The following BIRC6 variants were observed in gnomAD, a reference collection of about 807,000 sequenced individuals.
BIRC6 encodes dual E2 ubiquitin-conjugating enzyme/E3 ubiquitin-protein ligase BIRC6.
BIRC6 carries 98 observed loss-of-function variants against 503.3 expected under a neutral mutation model. That is an observed-to-expected ratio of 0.19 (90% CI 0.17 to 0.23). The LOEUF (loss-of-function observed/expected upper bound fraction) is 0.23. Among genes scored for constraint, BIRC6 ranks in the 10% least tolerant of loss-of-function variants. The pLI, the probability that BIRC6 is intolerant of heterozygous loss-of-function variation, is 1.00. For missense variants in BIRC6, 5,360 were observed against 5,806.0 expected (o/e 0.92, Z 2.50); for synonymous variants, 2,240 against 2,078.7 (o/e 1.08, Z -2.11).
At chr2:32,478,401 C>T (rs1483165095) in intron 35 of BIRC6, among the ~76,000 whole-genome samples, 6 of 151,964 alleles carry the variant, frequency 3.9e-5, no homozygotes, top group Non-Finnish European at 5.9e-5. Context: ...ATTCACTGTT[C>T]GTAGAAATTT....
intron 22 of BIRC6, among the ~76,000 whole-genome samples, chr2:32,450,791 A>G (rs2046627143): frequency 6.6e-6 from 1 of 152,202 alleles, no homozygotes. Context: ...ACTTACACAC[A>G]TCCTGCTGTG....
chr2:32,560,162 T>C (rs1309604807), intron 65 of BIRC6, among the ~76,000 whole-genome samples: 1 of 152,054 alleles, frequency 6.6e-6, no homozygotes, highest in Non-Finnish European at 1.5e-5. Flanking sequence ...TCAAGAAAAA[T>C]ACAGAAATAC....
At chr2:32,572,740 A>G (rs930723733) in intron 65 of BIRC6, among the ~76,000 whole-genome samples, 1 of 152,212 alleles carries the variant, frequency 6.6e-6, no homozygotes. Flanking sequence ...ATGTGGAAAC[A>G]AGGGGAAACA....
At position 32,435,706 on chromosome 2, in the gene BIRC6, A is replaced by G. The variant is rs374362944; in HGVS notation, c.3499+121A>G. 23 of 1,038,832 alleles carry G rather than the reference A, an allele frequency of 2.2e-5. No individual in the cohort carries two copies. In the African/African-American group the frequency reaches 3.4e-4, roughly 15 times the overall value. 64.4% of individuals were successfully genotyped at this position (1,038,832 alleles called of 1,614,324 possible). On this transcript the variant is annotated intron_variant, in intron 14 of 73. Coordinates refer to ENST00000421745, the MANE Select transcript of BIRC6 (RefSeq NM_016252.4). ...CTTGGTTTCAAGAACACAATTAAAA[A>G]ATAACCTATAATTCTGCTTTGGCAA...
chr2:32,465,230 C>G (rs55958719), intron 26 of BIRC6, 66 bp downstream of exon 26: 6,132 of 590,054 alleles, frequency 0.01, 52 homozygotes, highest in Non-Finnish European at 0.014. Flanking sequence ...CTTTTAAAGA[C>G]TCATTATTCT....
intron 10 of BIRC6, among the ~76,000 whole-genome samples, chr2:32,421,903 A>G (rs1260766113): frequency 3.9e-5 from 6 of 152,176 alleles, no homozygotes; most frequent in African/African-American, 1.4e-4. Context: ...GCCTTCTTCT[A>G]TCAATTTTGA....
Position 32,471,121 on chromosome 2 carries a change from A to C in BIRC6, c.6589A>C (p.Asn2197His). The C allele has an allele frequency of 6.4e-7, 1 of 1,564,228 alleles. No individual in the cohort carries two copies. The highest frequency in any genetic ancestry group is 1.3e-5 in the African/African-American group (1 of 74,120). ...AGCAGCAGCTGCAAAGAAACCTTTG[A>C]ATGGTAAAGACAGGGAGAGGTTTCT... is the stretch of plus-strand genomic sequence containing the variant. ...DEAAAAKKPL[N>H]GNQWSFINNN... Residue 2197 changes from asparagine (N) to histidine (H), a missense_variant, in exon 32 of 74, where the codon AAT becomes CAT. Physicochemically the swap from Asn to His is moderately conservative, Grantham distance 68. This residue lies in a region of BIRC6 where 2,299 missense variants were observed against 2,267.2 expected (regional missense o/e 1.01). Transcript: ENST00000421745.
intron 73 of BIRC6, among the ~76,000 whole-genome samples, chr2:32,613,149 C>A (rs1034427749): frequency 5.3e-5 from 8 of 151,724 alleles, no homozygotes; most frequent in African/African-American, 1.9e-4. Flanking sequence ...ATTCATATTT[C>A]AGCTTAAATT....
chr2:32,469,490 C>T lies in BIRC6; in HGVS notation c.6223C>T (p.Arg2075Trp), dbSNP rs2148971305. Reference sequence around the variant, plus strand: ...GTGCATCAGTGGAACCCCAAAGATACGGTTACATACTGGTCTTCTTCTTGT... The same window carrying T: ...GTGCATCAGTGGAACCCCAAAGATATGGTTACATACTGGTCTTCTTCTTGT... Reference protein sequence around the residue: ...HLCISGTPKIRLHTGLLLVQL... With the variant: ...HLCISGTPKIWLHTGLLLVQL... The change falls in exon 30 of 74, where the codon CGG (arginine) becomes TGG (tryptophan). Residue 2075 changes from arginine (R) to tryptophan (W), a missense_variant. By Grantham distance (101) the Arg-to-Trp change is moderately radical (BLOSUM62 -3). Transcript: ENST00000421745. 1 of 1,613,852 alleles carries T rather than the reference C, an allele frequency of 6.2e-7. No individual in the cohort carries two copies. The highest frequency in any genetic ancestry group is 8.5e-7 in the Non-Finnish European group (1 of 1,179,784).
At chr2:32,395,426 T>G (rs947563814) in intron 5 of BIRC6, 85 bp from the exon 6 acceptor site, 2 of 1,088,160 alleles carry the variant, frequency 1.8e-6, no homozygotes, top group Non-Finnish European at 1.3e-6. Flanking sequence ...TACTTAAAAT[T>G]ATGAACTTTT....
intron 49 of BIRC6, 55 bp from the exon 50 acceptor site, chr2:32,504,950 C>T (rs937977999): frequency 5.2e-5 from 74 of 1,436,134 alleles, no homozygotes; most frequent in Non-Finnish European, 6.8e-5. Flanking sequence ...GATTTTAAAG[C>T]TTTATTATGT....
At position 32,448,853 on chromosome 2, in the gene BIRC6, T is replaced by A; in HGVS notation, c.4543T>A (p.Ser1515Thr). 1 of 1,613,486 alleles carries A rather than the reference T, an allele frequency of 6.2e-7. No individual in the cohort carries two copies. The highest frequency in any genetic ancestry group is 8.5e-7 in the Non-Finnish European group (1 of 1,179,474). ...PVLFDLEMSGSSCKNVYNSSI... is the reference protein window; with the variant it reads ...PVLFDLEMSGTSCKNVYNSSI... ...CCTCTTTGATTTGGAGATGAGTGGC[T>A]CTTCTTGTAAAAATGTTTATAACAG... The change falls in exon 22 of 74, where the codon TCT (serine) becomes ACT (threonine). Residue 1515 changes from serine (S) to threonine (T), a missense_variant. Ser to Thr is a moderately conservative substitution (Grantham distance 58, BLOSUM62 1). Transcript: ENST00000421745.
At position 32,524,958 on chromosome 2, in the gene BIRC6, G is replaced by T; in HGVS notation, c.11694G>T (p.Glu3898Asp). 6.4e-7 allele frequency: 1 copy of T among 1,552,286 alleles called. No homozygotes were observed. The highest frequency in any genetic ancestry group is 1.2e-5 in the South Asian group (1 of 80,388). ...ACAAAGAAAAGAAAAACCATGAAGA[G>T]AAAGAAAAAGTTAAAGCGGAAAATG... ...KDDKEKKNHE[E>D]KEKVKAENGF... The change falls in exon 58 of 74, where the codon GAG becomes GAT. Residue 3898 changes from glutamate to aspartate, a missense_variant. Physicochemically the swap from Glu to Asp is conservative, Grantham distance 45. Coordinates refer to ENST00000421745, the MANE Select transcript of BIRC6 (RefSeq NM_016252.4).
At chr2:32,434,265 T>C (rs1219344166) in intron 13 of BIRC6, among the ~76,000 whole-genome samples, 2 of 152,174 alleles carry the variant, frequency 1.3e-5, no homozygotes, top group African/African-American at 4.8e-5. Flanking sequence ...ATTATACACA[T>C]TTAGCATGGT....
At chr2:32,578,805 T>A (rs1043378118) in intron 66 of BIRC6, among the ~76,000 whole-genome samples, 2 of 139,678 alleles carry the variant, frequency 1.4e-5, no homozygotes, top group African/African-American at 5.6e-5. Context: ...TCTCAAAAAA[T>A]ACATACATAC....
At chr2:32,609,885 T>C (rs897238093) in intron 72 of BIRC6, among the ~76,000 whole-genome samples, 4 of 152,228 alleles carry the variant, frequency 2.6e-5, no homozygotes, top group Non-Finnish European at 5.9e-5. Context: ...ACTTTCTCAT[T>C]CTTTAGAACC....
intron 44 of BIRC6, among the ~76,000 whole-genome samples, chr2:32,491,934 C>A (rs753311704): frequency 5.9e-5 from 9 of 152,036 alleles, no homozygotes; most frequent in Non-Finnish European, 8.8e-5. Context: ...TCACCTTAAT[C>A]ATTTTATGAT....
intron 1 of BIRC6, among the ~76,000 whole-genome samples, chr2:32,369,577 A>G (rs2149235747): frequency 6.6e-6 from 1 of 151,458 alleles, no homozygotes; most frequent in African/African-American, 2.4e-5. Context: ...ACAGGCACAC[A>G]CCACCACGCC....
chr2:32,554,686 T>TA (rs1307333744), intron 65 of BIRC6, among the ~76,000 whole-genome samples: 2 of 152,178 alleles, frequency 1.3e-5, no homozygotes, highest in Admixed American at 1.3e-4. Context: ...CAAAACCCAT[T>TA]ACTGCATTTT....
Sources: allele counts gnomAD v4.1 joint callset (sites outside exome capture counted in the v4.1 genomes callset), GRCh38; gene constraint gnomAD v4.1.1; regional missense constraint gnomAD v4.1.1; transcripts MANE v1.5; gene names NCBI Gene and HGNC (gene_info 2026-07-23, HGNC 2026-07-21).